Variants in MAML3 observed in about 807,000 individuals in gnomAD.
The protein encoded by MAML3 is mastermind like transcriptional coactivator 3, also known as mastermind-like protein 3.
In MAML3, 27 loss-of-function variants were observed where a neutral mutation model predicts 101.9. The observed-to-expected ratio is 0.27, with a 90% CI of 0.20 to 0.37. The LOEUF is 0.37. Among genes scored for constraint, MAML3 ranks in the 10% least tolerant of loss-of-function variants. The pLI is 1.00. For missense variants in MAML3, 1,316 were observed against 1,444.9 expected, an observed-to-expected ratio of 0.91 and a Z score of 1.45; for synonymous variants, 501 against 555.9, an observed-to-expected ratio of 0.90 and a Z score of 1.39.
chr4:139,798,074 A>AAGGAGAGAGAG (rs766033592), intron 2 of MAML3, among the ~76,000 whole-genome samples: 34 of 142,134 alleles, frequency 2.4e-4, no homozygotes, highest in Non-Finnish European at 7.6e-5. Context: ...GAAAGAAAGA[A>AAGGAGAGAGAG]AGAAAGAAAG....
intron 2 of MAML3, among the ~76,000 whole-genome samples, chr4:139,792,251 G>C (rs1730426528): frequency 6.6e-6 from 1 of 152,160 alleles, no homozygotes; most frequent in Admixed American, 6.5e-5. Context: ...TTAAATCTAA[G>C]AGATCTGAGA....
intron 2 of MAML3, among the ~76,000 whole-genome samples, chr4:139,883,575 T>G (rs2111189999): frequency 6.6e-6 from 1 of 152,198 alleles, no homozygotes; most frequent in East Asian, 1.9e-4. Flanking sequence ...TTGTGTATGT[T>G]TGTCAGGAGG....
At chr4:140,068,531 C>A (rs1263300066) in intron 1 of MAML3, among the ~76,000 whole-genome samples, 1 of 152,182 alleles carries the variant, frequency 6.6e-6, no homozygotes, top group Non-Finnish European at 1.5e-5. Context: ...AAGCACTGTT[C>A]TGGAAAGAGA....
In MAML3 at chr4:139,941,543, T is replaced by TGGTGGG. The variant is rs748104041; in HGVS notation, c.469-50577_469-50576insCCCACC. On this transcript the variant is annotated intron_variant, in intron 1 of 4. Coordinates refer to ENST00000509479, the MANE Select transcript of MAML3 (RefSeq NM_018717.5). ...CCTAATGTGTTGTTGTTGTTGTTGT[T>TGGTGGG]GGTGGTGGTGGTGGTGGTGGTGGTA... Among the ~76,000 whole-genome samples the TGGTGGG allele has an allele frequency of 2.1e-5, 3 of 141,928 alleles. No homozygotes were observed. In the South Asian group the frequency reaches 6.9e-4, roughly 33 times the overall value. 93.1% of individuals were successfully genotyped at this position (141,928 alleles called of 152,430 possible).
At chr4:139,893,084 A>T (rs13118868) in intron 1 of MAML3, among the ~76,000 whole-genome samples, 90,736 of 151,918 alleles carry the variant, frequency 0.6, 32,689 homozygotes, top group Non-Finnish European at 0.81. Flanking sequence ...CTTGAGACTT[A>T]TAGTTCCTTA....
intron 1 of MAML3, among the ~76,000 whole-genome samples, chr4:139,964,868 T>TA (rs1560851017): frequency 6.6e-6 from 1 of 152,134 alleles, no homozygotes; most frequent in East Asian, 1.9e-4. Flanking sequence ...CCAGGAAAAG[T>TA]AAAAAAAGAA....
At position 139,735,195 on chromosome 4, in the gene MAML3, C is replaced by T. The variant is rs1728886035; in HGVS notation, c.2080-4528G>A. The stretch of plus-strand genomic sequence containing the variant: ...CAATACCGAGCAGATGGTGTTCGCA[C>T]GGCGTGATGGACATCACACACGACA... On this transcript the variant is annotated intron_variant, in intron 2 of 4. Coordinates refer to ENST00000509479, the MANE Select transcript of MAML3 (RefSeq NM_018717.5). The surrounding 1 kb of genome is among the most constrained non-coding windows in gnomAD (Gnocchi z 5.8). 6.6e-6 allele frequency among the ~76,000 whole-genome samples: 1 copy of T among 152,218 alleles called. No individual in the cohort carries two copies. The highest frequency in any genetic ancestry group is 1.5e-5 in the Non-Finnish European group (1 of 68,044).
At chr4:140,039,578 C>T (rs1018046074) in intron 1 of MAML3, among the ~76,000 whole-genome samples, 1 of 152,210 alleles carries the variant, frequency 6.6e-6, no homozygotes, top group African/African-American at 2.4e-5. Context: ...CCCCATAGCA[C>T]TGTAGGCACA....
At chr4:139,859,419 C>G (rs57211094) in intron 2 of MAML3, among the ~76,000 whole-genome samples, 46,555 of 149,426 alleles carry the variant, frequency 0.31, 7,883 homozygotes, top group East Asian at 0.7. Flanking sequence ...ATTGCTCAGG[C>G]TGGTCTAGAA....
chr4:139,861,878 C>G (rs1578635383), intron 2 of MAML3, among the ~76,000 whole-genome samples: 1 of 152,138 alleles, frequency 6.6e-6, no homozygotes, highest in Non-Finnish European at 1.5e-5. Context: ...GGTTACCAAA[C>G]TCATCTGCAC....
At chr4:139,848,796 G>C (rs1455630919) in intron 2 of MAML3, among the ~76,000 whole-genome samples, 1 of 152,162 alleles carries the variant, frequency 6.6e-6, no homozygotes, top group Admixed American at 6.5e-5. Flanking sequence ...TAGAGAAAAG[G>C]CAAGTCAATT....
intron 2 of MAML3, among the ~76,000 whole-genome samples, chr4:139,807,984 G>T (rs1730729356): frequency 6.6e-6 from 1 of 152,190 alleles, no homozygotes; most frequent in African/African-American, 2.4e-5. Flanking sequence ...CTATAATCAG[G>T]ACTGAAGAGT....
intron 1 of MAML3, among the ~76,000 whole-genome samples, chr4:140,141,553 C>A (rs966827630): frequency 6.6e-6 from 1 of 152,138 alleles, no homozygotes; most frequent in African/African-American, 2.4e-5. Context: ...ACACAAAGCT[C>A]AGGAAAGGTA....
At chr4:140,073,326 C>T (rs1727697180) in intron 1 of MAML3, among the ~76,000 whole-genome samples, 1 of 151,912 alleles carries the variant, frequency 6.6e-6, no homozygotes, top group African/African-American at 2.4e-5. Flanking sequence ...TTAGTAGAGA[C>T]AGGGTTTCAC....
chr4:140,138,505 G>A (rs1012055016), intron 1 of MAML3, among the ~76,000 whole-genome samples: 2 of 152,054 alleles, frequency 1.3e-5, no homozygotes, highest in Non-Finnish European at 1.5e-5. Flanking sequence ...GAGAATCTCC[G>A]GGCAGAGGGC....
At chr4:139,874,821 T>G (rs1732077872) in intron 2 of MAML3, among the ~76,000 whole-genome samples, 1 of 150,672 alleles carries the variant, frequency 6.6e-6, no homozygotes, top group Admixed American at 6.6e-5. Context: ...TTTTTTTTTT[T>G]GAGATGGAGT....
At chr4:140,057,455 T>G (rs894108058) in intron 1 of MAML3, among the ~76,000 whole-genome samples, 3 of 152,218 alleles carry the variant, frequency 2.0e-5, no homozygotes, top group Non-Finnish European at 4.4e-5. Flanking sequence ...TCTAAGGTGA[T>G]GGCTAAGATA....
intron 2 of MAML3, among the ~76,000 whole-genome samples, chr4:139,864,923 CTTTTTTTTT>C (rs56361332): frequency 1.1e-4 from 7 of 62,468 alleles, no homozygotes; most frequent in East Asian, 6.7e-4. Flanking sequence ...TGCAAACTTG[CTTTTTTTTT>C]TTTTTTTTTT....
At chr4:139,924,258 T>C (rs966789707) in intron 1 of MAML3, among the ~76,000 whole-genome samples, 8 of 152,228 alleles carry the variant, frequency 5.3e-5, no homozygotes, top group Admixed American at 6.5e-5. Flanking sequence ...TGGAGAAATG[T>C]GGTAAAAGAT....
Sources: allele counts gnomAD v4.1 joint callset (sites outside exome capture counted in the v4.1 genomes callset), GRCh38; gene constraint gnomAD v4.1.1; non-coding constraint Gnocchi (gnomAD v3.1); transcripts MANE v1.5; gene names NCBI Gene and HGNC (gene_info 2026-07-23, HGNC 2026-07-21).